COL21A1: variants seen among roughly 807,000 people sequenced by gnomAD.
COL21A1 encodes collagen type XXI alpha 1 chain.
Under a neutral mutation model 137.9 loss-of-function variants are expected in COL21A1, and 149 were observed. The observed-to-expected ratio is 1.08, with a 90% CI of 0.95 to 1.24. The LOEUF (loss-of-function observed/expected upper bound fraction) is 1.24, where lower values mean the gene tolerates loss of function less well. Ranked by LOEUF, COL21A1 falls within the 50% of genes most tolerant of loss-of-function variation. COL21A1 has a pLI of 0.00. For missense variants in COL21A1, 1,167 were observed against 1,158.4 expected (o/e 1.01, Z -0.11); for synonymous variants, 456 against 391.5 (o/e 1.16, Z -1.95).
At position 56,387,653 on chromosome 6, in the gene COL21A1, G is replaced by C. The variant is rs1478802746; in HGVS notation, c.-39+6318C>G. The stretch of plus-strand genomic sequence containing the variant: ...AGTGAGTGTGTGGGACTTTGCACTG[G>C]AACTCCCTGTAGCCCTGTCACAGTG... On this transcript the variant is annotated intron_variant, in intron 1 of 28. Transcript: ENST00000370819. 2.0e-5 allele frequency among the ~76,000 whole-genome samples: 3 copies of C among 152,154 alleles called. No homozygotes were observed. In the South Asian group the frequency reaches 6.2e-4, roughly 32 times the overall value.
chr6:56,171,273 A>G, intron 3 of COL21A1, 145 bp from the exon 4 acceptor site: 1 of 421,722 alleles, frequency 2.4e-6, no homozygotes, highest in Non-Finnish European at 4.1e-6. Flanking sequence ...TAGTATATAA[A>G]TGTATATGAA....
chr6:56,206,143 T>A (rs544741847), intron 1 of COL21A1, among the ~76,000 whole-genome samples: 1 of 152,122 alleles, frequency 6.6e-6, no homozygotes, highest in Non-Finnish European at 1.5e-5. Flanking sequence ...GTATGAACCT[T>A]CAATGTAAAT....
intron 1 of COL21A1, among the ~76,000 whole-genome samples, chr6:56,199,587 T>G (rs1442843797): frequency 6.6e-6 from 1 of 152,158 alleles, no homozygotes; most frequent in Non-Finnish European, 1.5e-5. Flanking sequence ...TGATTCATAT[T>G]ATCTGTCATC....
intron 1 of COL21A1, among the ~76,000 whole-genome samples, chr6:56,224,415 G>A (rs542534472): frequency 1.6e-4 from 25 of 152,122 alleles, no homozygotes; most frequent in African/African-American, 5.8e-4. Flanking sequence ...ATGACTTAAC[G>A]TGGAGGCTTA....
intron 1 of COL21A1, among the ~76,000 whole-genome samples, chr6:56,320,104 C>T (rs1764830081): frequency 6.6e-6 from 1 of 152,052 alleles, no homozygotes; most frequent in African/African-American, 2.4e-5. Context: ...TGGCATCTTA[C>T]CTTCTGCCAT....
Position 56,126,009 on chromosome 6 carries a change from T to C in COL21A1, c.1596+87A>G, listed in dbSNP as rs1271391482. 7 of 730,156 alleles carry C rather than the reference T, an allele frequency of 9.6e-6. No homozygotes were observed. In the East Asian group the frequency reaches 2.0e-4, roughly 21 times the overall value. 45.2% of individuals were successfully genotyped at this position (730,156 alleles called of 1,614,324 possible). Reference sequence around the variant, plus strand: ...ATCTCTAATTATATATGAACATTTATTTATAACATATTTGTAATATAAAAG... The same window carrying C: ...ATCTCTAATTATATATGAACATTTACTTATAACATATTTGTAATATAAAAG... On this transcript the variant is annotated intron_variant, in intron 13 of 29. Coordinates refer to ENST00000244728, the MANE Select transcript of COL21A1 (RefSeq NM_030820.4).
At chr6:56,313,355 T>C (rs781250803) in intron 1 of COL21A1, among the ~76,000 whole-genome samples, 3 of 152,078 alleles carry the variant, frequency 2.0e-5, no homozygotes, top group Non-Finnish European at 4.4e-5. Flanking sequence ...AGCTGTAACC[T>C]ATCTCAGCTT....
At chr6:56,117,455 AAG>A (rs2152200401) in intron 16 of COL21A1, among the ~76,000 whole-genome samples, 1 of 152,180 alleles carries the variant, frequency 6.6e-6, no homozygotes, top group East Asian at 1.9e-4. Flanking sequence ...ATTAGAGCTA[AAG>A]AGAGTGATAG....
intron 1 of COL21A1, among the ~76,000 whole-genome samples, chr6:56,301,466 T>C (rs1215531306): frequency 6.6e-6 from 1 of 152,176 alleles, no homozygotes; most frequent in African/African-American, 2.4e-5. Context: ...TATTTCAGAC[T>C]CTGACCTACA....
At chr6:56,376,376 G>GA (rs2093999287) in intron 1 of COL21A1, among the ~76,000 whole-genome samples, 1 of 152,076 alleles carries the variant, frequency 6.6e-6, no homozygotes, top group Admixed American at 6.6e-5. Context: ...CATGCTTTTG[G>GA]AAAGCTTGGC....
intron 12 of COL21A1, among the ~76,000 whole-genome samples, chr6:56,134,588 T>C (rs1238151439): frequency 1.3e-5 from 2 of 152,016 alleles, no homozygotes; most frequent in Admixed American, 1.3e-4. Context: ...GGAACAGGAG[T>C]GGAATGATAC....
At chr6:56,125,821 T>C (rs1427065467) in intron 13 of COL21A1, among the ~76,000 whole-genome samples, 2 of 152,044 alleles carry the variant, frequency 1.3e-5, no homozygotes, top group African/African-American at 2.4e-5. Flanking sequence ...TTTAGTGCTA[T>C]AACAAGGCTT....
At chr6:56,356,188 T>C (rs564218759) in intron 1 of COL21A1, among the ~76,000 whole-genome samples, 3 of 152,174 alleles carry the variant, frequency 2.0e-5, no homozygotes, top group African/African-American at 7.2e-5. Context: ...GAGCATAGGA[T>C]GCCAGGCAGC....
chr6:56,361,234 C>T (rs1042015465), intron 1 of COL21A1, among the ~76,000 whole-genome samples: 1 of 152,120 alleles, frequency 6.6e-6, no homozygotes, highest in East Asian at 1.9e-4. Flanking sequence ...CACTGTAAAA[C>T]GAGGATGAGA....
chr6:56,080,466 A>G (rs143158406), intron 17 of COL21A1, among the ~76,000 whole-genome samples: 29 of 151,946 alleles, frequency 1.9e-4, no homozygotes, highest in African/African-American at 6.7e-4. Context: ...ATAGAAATAC[A>G]TACTTTAGAA....
At chr6:56,270,149 C>G (rs1297378211) in intron 1 of COL21A1, among the ~76,000 whole-genome samples, 1 of 152,106 alleles carries the variant, frequency 6.6e-6, no homozygotes, top group African/African-American at 2.4e-5. Flanking sequence ...AAGACAAGAC[C>G]CAAACATCCT....
intron 1 of COL21A1, among the ~76,000 whole-genome samples, chr6:56,304,113 G>A (rs1295436314): frequency 3.9e-5 from 6 of 152,304 alleles, no homozygotes; most frequent in South Asian, 4.1e-4. Context: ...GCTTTTTGAC[G>A]TGCTGCTGGA....
At chr6:56,363,469 T>A (rs1332259435) in intron 1 of COL21A1, among the ~76,000 whole-genome samples, 1 of 152,094 alleles carries the variant, frequency 6.6e-6, no homozygotes, top group African/African-American at 2.4e-5. Flanking sequence ...TGAATCCAGG[T>A]CTTTGGACTC....
chr6:56,245,573 A>C (rs528113708), intron 1 of COL21A1, among the ~76,000 whole-genome samples: 1 of 152,230 alleles, frequency 6.6e-6, no homozygotes. Context: ...TATTTAACTT[A>C]CTATGCTAGG....
Sources: allele counts gnomAD v4.1 joint callset (sites outside exome capture counted in the v4.1 genomes callset), GRCh38; gene constraint gnomAD v4.1.1; transcripts MANE v1.5; gene names NCBI Gene and HGNC (gene_info 2026-07-23, HGNC 2026-07-21).